The following PLEKHA5 variants were observed in gnomAD, a reference collection of about 807,000 sequenced individuals.
PLEKHA5 encodes the protein pleckstrin homology domain-containing family A member 5.
In PLEKHA5, 55 loss-of-function variants were observed where a neutral mutation model predicts 181.9. The ratio of observed to expected loss-of-function variants is 0.30; its 90% confidence interval spans 0.24 to 0.38. The LOEUF (loss-of-function observed/expected upper bound fraction) is 0.38. PLEKHA5 is among the 10% of genes least tolerant of loss of function. The probability of loss-of-function intolerance (pLI) is 1.00; values close to 1 mark genes in which losing one functional copy is unlikely to be tolerated. For missense variants in PLEKHA5, 1,432 were observed against 1,549.5 expected, an observed-to-expected ratio of 0.92 and a Z score of 1.27; for synonymous variants, 535 against 529.4, an observed-to-expected ratio of 1.01 and a Z score of -0.15.
intron 13 of PLEKHA5, among the ~76,000 whole-genome samples, chr12:19,289,952 A>T (rs960824357): frequency 2.3e-4 from 35 of 151,524 alleles, no homozygotes; most frequent in Admixed American, 1.1e-3. Context: ...TTTTTTATTT[A>T]TTTATTTTGA....
chr12:19,258,967 A>T (rs1372535403), intron 6 of PLEKHA5, among the ~76,000 whole-genome samples: 1 of 152,110 alleles, frequency 6.6e-6, no homozygotes, highest in Non-Finnish European at 1.5e-5. Flanking sequence ...TCATACCCTA[A>T]TGGCATTCCT....
At chr12:19,275,985 G>A (rs570405689) in intron 11 of PLEKHA5, among the ~76,000 whole-genome samples, 31 of 152,316 alleles carry the variant, frequency 2.0e-4, no homozygotes, top group Non-Finnish European at 4.3e-4. Context: ...AATGAAGGCA[G>A]ACCAGGGTGC....
At chr12:19,219,077 T>A (rs941842992) in intron 3 of PLEKHA5, among the ~76,000 whole-genome samples, 4 of 152,074 alleles carry the variant, frequency 2.6e-5, no homozygotes, top group African/African-American at 9.7e-5. Flanking sequence ...GCTGGTCCAC[T>A]TATATGTGGA....
intron 3 of PLEKHA5, among the ~76,000 whole-genome samples, chr12:19,208,830 A>T (rs925553617): frequency 3.3e-5 from 5 of 152,184 alleles, no homozygotes. Flanking sequence ...CAAATATTTG[A>T]CATCAATATG....
intron 3 of PLEKHA5, among the ~76,000 whole-genome samples, chr12:19,239,769 C>T (rs1197866206): frequency 1.3e-5 from 2 of 152,162 alleles, no homozygotes; most frequent in Non-Finnish European, 1.5e-5. Context: ...TGACTAATCC[C>T]GCTGATTCCA....
chr12:19,272,430 C>G (rs2073162567), intron 10 of PLEKHA5, among the ~76,000 whole-genome samples: 1 of 152,060 alleles, frequency 6.6e-6, no homozygotes, highest in South Asian at 2.1e-4. Flanking sequence ...AAACCCACCA[C>G]AGTTTTAATT....
chr12:19,274,783 C>T lies in PLEKHA5; in HGVS notation c.1113C>T (p.His371=), dbSNP rs2074047857. The T allele has an allele frequency of 6.2e-7, 1 of 1,614,190 alleles. No individual in the cohort carries two copies. The change falls in exon 11 of 32, where the codon CAC becomes CAT. Residue 371 remains histidine (H), a synonymous_variant. Transcript: ENST00000429027. ...CAGCATGCCCTGCTCAGACTGTGCA[C>T]TACAGACCAATCAACTTGAGCAGTT... ...SGSACPAQTV[H]YRPINLSSSE...
At chr12:19,364,058 G>T (rs2095346009) in intron 29 of PLEKHA5, among the ~76,000 whole-genome samples, 1 of 152,142 alleles carries the variant, frequency 6.6e-6, no homozygotes, top group Admixed American at 6.6e-5. Flanking sequence ...ATTACTTGTT[G>T]GCCATTTTGG....
intron 11 of PLEKHA5, among the ~76,000 whole-genome samples, chr12:19,279,612 A>G (rs1354973872): frequency 6.6e-6 from 1 of 151,606 alleles, no homozygotes; most frequent in Non-Finnish European, 1.5e-5. Context: ...GTGAGCGGAG[A>G]TCATGCCATT....
At chr12:19,275,024 A>G in intron 11 of PLEKHA5, 41 bp downstream of exon 11, 2 of 1,364,548 alleles carry the variant, frequency 1.5e-6, no homozygotes, top group Non-Finnish European at 2.0e-6. Context: ...GGTTTCTTTG[A>G]TGCTGTGTTG....
intron 3 of PLEKHA5, among the ~76,000 whole-genome samples, chr12:19,241,920 C>A (rs1305865308): frequency 6.6e-6 from 1 of 152,070 alleles, no homozygotes; most frequent in Non-Finnish European, 1.5e-5. Flanking sequence ...ATTACTTTGG[C>A]AAATTAGTGT....
intron 6 of PLEKHA5, among the ~76,000 whole-genome samples, chr12:19,258,723 G>A (rs547095373): frequency 5.3e-5 from 8 of 151,630 alleles, no homozygotes; most frequent in South Asian, 4.2e-4. Context: ...TGCCACTACC[G>A]CCAAGCTAAT....
intron 3 of PLEKHA5, among the ~76,000 whole-genome samples, chr12:19,236,170 C>A (rs1435884130): frequency 3.3e-5 from 5 of 152,152 alleles, no homozygotes; most frequent in Non-Finnish European, 5.9e-5. Context: ...CCAACAAACT[C>A]TGGTTTGAAA....
At chr12:19,219,802 T>C (rs2058647786) in intron 3 of PLEKHA5, among the ~76,000 whole-genome samples, 2 of 152,144 alleles carry the variant, frequency 1.3e-5, no homozygotes, top group African/African-American at 4.8e-5. Flanking sequence ...ACAAGATCTT[T>C]ATATAATTGG....
chr12:19,331,419 G>A (rs570339438), intron 20 of PLEKHA5, among the ~76,000 whole-genome samples: 34 of 152,162 alleles, frequency 2.2e-4, no homozygotes, highest in Non-Finnish European at 4.4e-4. Context: ...GCCCAGGCTG[G>A]TCTTGAGTTC....
chr12:19,229,352 G>C (rs911624281), intron 3 of PLEKHA5, among the ~76,000 whole-genome samples: 1 of 152,144 alleles, frequency 6.6e-6, no homozygotes, highest in Non-Finnish European at 1.5e-5. Context: ...GTTCTTAAAG[G>C]TGGCGTGTCC....
In PLEKHA5 at chr12:19,283,714, T is replaced by C. The variant is rs780997690; in HGVS notation, c.1748T>C (p.Ile583Thr). 22 of 1,613,620 alleles carry C rather than the reference T, an allele frequency of 1.4e-5. No individual in the cohort carries two copies. The highest frequency in any genetic ancestry group is 1.3e-5 in the African/African-American group (1 of 74,870). The change falls in exon 12 of 32, where the codon ATA (isoleucine) becomes ACA (threonine). Residue 583 changes from isoleucine to threonine, a missense_variant. By Grantham distance (89) the Ile-to-Thr change is moderately conservative. This residue lies in a region of PLEKHA5 where 1,143 missense variants were observed against 1,168.4 expected (regional missense o/e 0.98). Transcript: ENST00000429027. ...SSPIQRGDVT[I>T]DRRHRAHHPK... ...CCAATTCAGAGAGGAGATGTGACAA[T>C]AGACCGCAGACACAGGGCCCATCAC...
intron 2 of PLEKHA5, among the ~76,000 whole-genome samples, chr12:19,131,892 G>A (rs1383580993): frequency 6.6e-6 from 1 of 152,328 alleles, no homozygotes; most frequent in African/African-American, 2.4e-5. Context: ...ACACACGGAA[G>A]TATTCGGTGT....
At chr12:19,310,455 C>T (rs1361913748) in intron 15 of PLEKHA5, among the ~76,000 whole-genome samples, 1 of 150,892 alleles carries the variant, frequency 6.6e-6, no homozygotes, top group African/African-American at 2.5e-5. Flanking sequence ...ATTAAAAATA[C>T]AAAAATTAGC....
Sources: allele counts gnomAD v4.1 joint callset (sites outside exome capture counted in the v4.1 genomes callset), GRCh38; gene constraint gnomAD v4.1.1; regional missense constraint gnomAD v4.1.1; transcripts MANE v1.5; gene names NCBI Gene and HGNC (gene_info 2026-07-23, HGNC 2026-07-21).